TNNT3: variants seen among roughly 807,000 people sequenced by gnomAD.
TNNT3 encodes troponin T, fast skeletal muscle.
In TNNT3, 36 loss-of-function variants were observed where a neutral mutation model predicts 54.2. The observed-to-expected ratio is 0.66, with a 90% CI of 0.51 to 0.88. The LOEUF (loss-of-function observed/expected upper bound fraction) is 0.88, where lower values mean the gene tolerates loss of function less well. Ranked by LOEUF, TNNT3 falls within the 40% of genes least tolerant of loss-of-function variation. The pLI, the probability that TNNT3 is intolerant of heterozygous loss-of-function variation, is 0.00. For synonymous variants in TNNT3, 120 were observed against 109.7 expected (o/e 1.09, Z -0.59); for missense variants, 291 against 331.6 (o/e 0.88, Z 0.95).
rs1199724633 is a variant in TNNT3 at position 1,938,632 on chromosome 11, G to A, written c.*140G>A. 7 of 871,026 alleles carry A rather than the reference G, an allele frequency of 8.0e-6. No individual in the cohort carries two copies. Among genetic ancestry groups the A allele is most frequent in the Non-Finnish European group, 1.3e-5 (7 of 528,050 alleles). The allele number at this position is 871,026 out of a possible 1,614,324, so 54.0% of individuals were successfully genotyped here. A position where few individuals can be genotyped will look rare whatever the true frequency, so the allele number is the denominator to read the frequency against. On this transcript the variant is annotated 3_prime_UTR_variant, in exon 16 of 16. Transcript: ENST00000278317. ...TCCTGGGGGTGGAGAGGCCATCCCG[G>A]GGCGTCCCCCGCGTCTGTGTCCTTG...
At chr11:1,936,241 A>G (rs761132871) in intron 14 of TNNT3, 20 of 1,613,746 alleles carry the variant, frequency 1.2e-5, no homozygotes, top group Admixed American at 1.7e-5. Flanking sequence ...CAGAGTGCAG[A>G]TGCTGGCCAA....
Position 1,922,855 on chromosome 11 carries a change from A to G in TNNT3, c.-18-2A>G, listed in dbSNP as rs1343865141. 6.2e-7 allele frequency: 1 copy of G among 1,612,838 alleles called. No individual in the cohort carries two copies. The highest frequency in any genetic ancestry group is 8.5e-7 in the Non-Finnish European group (1 of 1,179,874). The stretch of plus-strand genomic sequence containing the variant: ...TCTCTCTCTCTGAATCTCTCTCTGC[A>G]GAAACCACCCACCTTCACCATGTCT... On this transcript the variant is annotated splice_acceptor_variant, in intron 1 of 15. Coordinates refer to ENST00000278317, the MANE Select transcript of TNNT3 (RefSeq NM_006757.4). LOFTEE classifies it low-confidence loss of function (5UTR_SPLICE).
At chr11:1,925,684 G>T (rs925613426) in intron 5 of TNNT3, among the ~76,000 whole-genome samples, 62 of 152,132 alleles carry the variant, frequency 4.1e-4, no homozygotes, top group Non-Finnish European at 7.2e-4. Flanking sequence ...TCTTGGGATG[G>T]CACAGAGTGA....
At chr11:1,936,202 T>C (rs1854975120) in intron 14 of TNNT3, 1 of 1,613,842 alleles carries the variant, frequency 6.2e-7, no homozygotes, top group Non-Finnish European at 8.5e-7. Flanking sequence ...GTAACCATCT[T>C]GGTCTTTCTA....
chr11:1,930,795 G>A (rs992131714), intron 8 of TNNT3, among the ~76,000 whole-genome samples: 1 of 152,080 alleles, frequency 6.6e-6, no homozygotes, highest in African/African-American at 2.4e-5. Context: ...CAGTAATGCT[G>A]GATCATGAGA....
chr11:1,922,932 A>G, intron 2 of TNNT3, 41 bp downstream of exon 2: 3 of 1,613,548 alleles, frequency 1.9e-6, no homozygotes, highest in Non-Finnish European at 2.5e-6. Flanking sequence ...CTGGCTCGGG[A>G]CCCTGGCCCC....
At chr11:1,934,945 G>A in intron 14 of TNNT3, 26 bp downstream of exon 14, 2 of 1,608,026 alleles carry the variant, frequency 1.2e-6, no homozygotes, top group Non-Finnish European at 1.7e-6. Context: ...TCCGGCCCTG[G>A]GGCCCTAGCG....
chr11:1,935,106 G>A (rs1854584599), intron 14 of TNNT3, 187 bp downstream of exon 14: 3 of 682,058 alleles, frequency 4.4e-6, no homozygotes, highest in Middle Eastern at 3.8e-4. Flanking sequence ...ACTGTGGCCA[G>A]AGCCCGTCCT....
At chr11:1,931,162 C>A (rs1299004271) in intron 8 of TNNT3, among the ~76,000 whole-genome samples, 3 of 152,102 alleles carry the variant, frequency 2.0e-5, no homozygotes, top group Non-Finnish European at 4.4e-5. Context: ...CATAATATTC[C>A]ATCAATTGGA....
At chr11:1,923,131 G>A in intron 3 of TNNT3, 70 bp downstream of exon 3, 1 of 1,596,816 alleles carries the variant, frequency 6.3e-7, no homozygotes, top group Non-Finnish European at 8.6e-7. Flanking sequence ...GCAGGGGGCT[G>A]GACTGTGCAT....
chr11:1,936,826 G>T (rs1477577307), intron 14 of TNNT3, 137 bp from the exon 15 acceptor site: 5 of 843,248 alleles, frequency 5.9e-6, no homozygotes, highest in Non-Finnish European at 7.8e-6. Flanking sequence ...CAGTAAGGGA[G>T]CCGAGGAGCC....
chr11:1,929,838 G>C lies in TNNT3; in HGVS notation c.125+10G>C. On this transcript the variant is annotated intron_variant, in intron 8 of 15. Transcript: ENST00000278317. ...AGAAACCGAGACCCAAGTGAGTGTG[G>C]GGTCCTGGCAGGCCCGCTGCTGAGT... 1 of 1,510,846 alleles carries C rather than the reference G, an allele frequency of 6.6e-7. No homozygotes were observed. The highest frequency in any genetic ancestry group is 8.9e-7 in the Non-Finnish European group (1 of 1,125,094). The allele number at this position is 1,510,846 out of a possible 1,614,324, so 93.6% of individuals were successfully genotyped here.
chr11:1,934,986 C>T, intron 14 of TNNT3, 67 bp downstream of exon 14: 4 of 1,429,462 alleles, frequency 2.8e-6, no homozygotes, highest in Admixed American at 3.4e-5. Context: ...CAGCCATCTC[C>T]CTGCGTCCCT....
At chr11:1,925,672 C>T (rs1851386031) in intron 5 of TNNT3, among the ~76,000 whole-genome samples, 1 of 152,154 alleles carries the variant, frequency 6.6e-6, no homozygotes, top group South Asian at 2.1e-4. Context: ...ACGCCCGCCA[C>T]ATCTTGGGAT....
intron 7 of TNNT3, 33 bp downstream of exon 7, chr11:1,929,176 G>T: frequency 1.2e-6 from 2 of 1,611,550 alleles, no homozygotes; most frequent in Non-Finnish European, 8.5e-7. Flanking sequence ...GGAGGTGCAG[G>T]ACCCTGGCTC....
Position 1,936,840 on chromosome 11 carries a change from A to C in TNNT3, c.682-123A>C, listed in dbSNP as rs1314229802. ...ACAGTAAGGGAGCCGAGGAGCCCTC[A>C]TGGGGGCCCAGCAGCCCTGGGTCGC... On this transcript the variant is annotated intron_variant, in intron 14 of 15. Coordinates refer to ENST00000278317, the MANE Select transcript of TNNT3 (RefSeq NM_006757.4). 24 of 995,090 alleles carry C rather than the reference A, an allele frequency of 2.4e-5. No homozygotes were observed. The Middle Eastern group carries it at 1.2e-3, about 49-fold the overall frequency. The allele number at this position is 995,090 out of a possible 1,614,324, so 61.6% of individuals were successfully genotyped here.
At position 1,929,854 on chromosome 11, in the gene TNNT3, G is replaced by A. The variant is rs537821594; in HGVS notation, c.125+26G>A. On this transcript the variant is annotated intron_variant, in intron 8 of 15. Coordinates refer to ENST00000278317, the MANE Select transcript of TNNT3 (RefSeq NM_006757.4). ...GTGAGTGTGGGGTCCTGGCAGGCCC[G>A]CTGCTGAGTGTGTTCTGGGGTGGGG... 190 of 1,506,082 alleles carry A rather than the reference G, an allele frequency of 1.3e-4. No individual in the cohort carries two copies. In the African/African-American group the frequency reaches 1.4e-3, roughly 11 times the overall value. The allele number at this position is 1,506,082 out of a possible 1,614,324, so 93.3% of individuals were successfully genotyped here.
intron 2 of TNNT3, 64 bp from the exon 3 acceptor site, chr11:1,922,984 T>C (rs1010213090): frequency 3.2e-5 from 52 of 1,613,392 alleles, no homozygotes; most frequent in Non-Finnish European, 4.2e-5. Context: ...CTTGCACAAG[T>C]CCAAGCAAAG....
intron 4 of TNNT3, 162 bp from the exon 5 acceptor site, chr11:1,924,937 G>T: frequency 1.3e-6 from 1 of 764,764 alleles, no homozygotes; most frequent in Non-Finnish European, 2.3e-6. Flanking sequence ...AGAGATGCAG[G>T]ACTGAGCCCC....
Sources: gnomAD v4.1 joint callset for allele counts (sites outside exome capture counted in the v4.1 genomes callset) on GRCh38, gnomAD v4.1.1 for gene constraint, MANE v1.5 for transcripts, NCBI Gene and HGNC (gene_info 2026-07-23, HGNC 2026-07-21) for gene names.